The following CSMD1 variants were observed in gnomAD, a reference collection of about 807,000 sequenced individuals.
CSMD1 encodes CUB and Sushi multiple domains 1, also known as CUB and sushi domain-containing protein 1.
A neutral mutation model predicts 417.5 loss-of-function variants in CSMD1; 213 were observed. That is an observed-to-expected ratio of 0.51 (90% CI 0.46 to 0.57). CSMD1 has a LOEUF of 0.57. CSMD1 is among the 20% of genes least tolerant of loss of function. The pLI, the probability that CSMD1 is intolerant of heterozygous loss-of-function variation, is 0.00. For missense variants in CSMD1, 6,923 were observed against 4,529.7 expected (o/e 1.53, Z -15.17); for synonymous variants, 2,862 against 1,736.8 (o/e 1.65, Z -16.11).
intron 1 of CSMD1, among the ~76,000 whole-genome samples, chr8:4,725,390 G>C (rs1809359463): frequency 6.6e-6 from 1 of 152,126 alleles, no homozygotes; most frequent in Admixed American, 6.5e-5. Context: ...TTTTGCTTGT[G>C]AAAGCGCAAT....
At chr8:4,392,192 G>A (rs1563125410) in intron 3 of CSMD1, among the ~76,000 whole-genome samples, 1 of 152,158 alleles carries the variant, frequency 6.6e-6, no homozygotes, top group Non-Finnish European at 1.5e-5. Flanking sequence ...TAAGTCTTGA[G>A]GTTGCTTTTT....
intron 12 of CSMD1, among the ~76,000 whole-genome samples, chr8:3,413,052 G>A (rs2116936431): frequency 6.6e-6 from 1 of 152,262 alleles, no homozygotes; most frequent in East Asian, 1.9e-4. Context: ...GTCTCATCAA[G>A]CCTCAGTTTT....
chr8:3,411,089 C>T (rs1177017467), intron 12 of CSMD1, among the ~76,000 whole-genome samples: 1 of 152,122 alleles, frequency 6.6e-6, no homozygotes, highest in Non-Finnish European at 1.5e-5. Flanking sequence ...CCTGTTTGTG[C>T]AGAGTGATGC....
At chr8:2,950,092 A>T (rs1432838494) in intron 67 of CSMD1, 139 bp downstream of exon 67, 1 of 617,404 alleles carries the variant, frequency 1.6e-6, no homozygotes, top group Non-Finnish European at 3.0e-6. Flanking sequence ...CACTCTGTCA[A>T]GAAGAGGGGC....
intron 3 of CSMD1, among the ~76,000 whole-genome samples, chr8:4,281,427 G>T (rs912606311): frequency 2.6e-5 from 4 of 152,158 alleles, no homozygotes; most frequent in Non-Finnish European, 4.4e-5. Flanking sequence ...CTAAAGCTAT[G>T]AAATTAACAC....
intron 21 of CSMD1, among the ~76,000 whole-genome samples, chr8:3,350,240 ATG>A (rs1275391306): frequency 8.0e-5 from 11 of 137,260 alleles, no homozygotes; most frequent in African/African-American, 1.1e-4. Flanking sequence ...TAACTTGTGT[ATG>A]TGTGTGTTAT....
At chr8:3,461,811 G>T (rs1230715920) in intron 12 of CSMD1, among the ~76,000 whole-genome samples, 2 of 152,194 alleles carry the variant, frequency 1.3e-5, no homozygotes, top group African/African-American at 4.8e-5. Context: ...ATAGAACACG[G>T]ACAAGTCTAG....
chr8:4,257,881 G>T (rs986359156), intron 3 of CSMD1, among the ~76,000 whole-genome samples: 1 of 152,166 alleles, frequency 6.6e-6, no homozygotes, highest in Non-Finnish European at 1.5e-5. Context: ...TTATTCTGTT[G>T]CCTCTGTTGT....
At chr8:3,570,601 T>A (rs942451802) in intron 10 of CSMD1, among the ~76,000 whole-genome samples, 1 of 152,178 alleles carries the variant, frequency 6.6e-6, no homozygotes, top group African/African-American at 2.4e-5. Context: ...GCTGCAATGC[T>A]ATCACGGAGC....
At chr8:3,717,725 T>A (rs1161029131) in intron 6 of CSMD1, among the ~76,000 whole-genome samples, 2 of 152,188 alleles carry the variant, frequency 1.3e-5, no homozygotes, top group African/African-American at 4.8e-5. Context: ...AAAATAAAGT[T>A]GTTAATATTT....
intron 49 of CSMD1, among the ~76,000 whole-genome samples, chr8:3,066,119 G>A (rs1249405660): frequency 2.0e-5 from 3 of 152,106 alleles, no homozygotes; most frequent in Admixed American, 6.5e-5. Flanking sequence ...AAAGGAGTGC[G>A]GGCCTATTGA....
intron 26 of CSMD1, among the ~76,000 whole-genome samples, chr8:3,277,615 GGAA>G: frequency 6.6e-6 from 1 of 152,244 alleles, no homozygotes; most frequent in Admixed American, 6.5e-5. Flanking sequence ...ACCAAAACCG[GGAA>G]GATGTCAAGG....
At chr8:3,133,700 G>C (rs1410605488) in intron 41 of CSMD1, among the ~76,000 whole-genome samples, 1 of 152,152 alleles carries the variant, frequency 6.6e-6, no homozygotes, top group Non-Finnish European at 1.5e-5. Context: ...GAGGCTGCTG[G>C]CAGGAGTGCC....
intron 2 of CSMD1, among the ~76,000 whole-genome samples, chr8:4,622,214 T>TA (rs1218442806): frequency 6.0e-5 from 9 of 149,856 alleles, no homozygotes; most frequent in Non-Finnish European, 1.3e-4. Context: ...GACCTGACAT[T>TA]ACCTGGAGGC....
chr8:4,818,521 GAAT>G (rs1303271387), intron 1 of CSMD1, among the ~76,000 whole-genome samples: 5 of 152,070 alleles, frequency 3.3e-5, no homozygotes, highest in Non-Finnish European at 7.4e-5. Flanking sequence ...TACGTATTAA[GAAT>G]AATATTATAT....
intron 7 of CSMD1, among the ~76,000 whole-genome samples, chr8:3,621,821 C>T (rs762865328): frequency 1.7e-4 from 26 of 151,752 alleles, no homozygotes; most frequent in African/African-American, 2.4e-4. Flanking sequence ...ATTGCCCAGG[C>T]TGGTCTCAAA....
At chr8:3,837,356 A>G (rs549434142) in intron 5 of CSMD1, among the ~76,000 whole-genome samples, 2 of 152,308 alleles carry the variant, frequency 1.3e-5, no homozygotes, top group East Asian at 1.9e-4. Context: ...GGCTGGAGCT[A>G]TATTAAGCCA....
chr8:3,900,673 G>C (rs1807687604), intron 5 of CSMD1, among the ~76,000 whole-genome samples: 1 of 152,060 alleles, frequency 6.6e-6, no homozygotes, highest in African/African-American at 2.4e-5. Context: ...AGTGTAGCTA[G>C]GTGACAGTGT....
intron 26 of CSMD1, among the ~76,000 whole-genome samples, chr8:3,238,252 T>G (rs112485386): frequency 0.098 from 14,924 of 151,928 alleles, 972 homozygotes; most frequent in Admixed American, 0.16. Flanking sequence ...AGAAGGAATT[T>G]CACAAGATAA....
Sources: allele counts gnomAD v4.1 joint callset (sites outside exome capture counted in the v4.1 genomes callset), GRCh38; gene constraint gnomAD v4.1.1; transcripts MANE v1.5; gene names NCBI Gene and HGNC (gene_info 2026-07-23, HGNC 2026-07-21).